The following FMN1 variants were observed in gnomAD, a reference collection of about 807,000 sequenced individuals.
FMN1 encodes formin-1.
Under a neutral mutation model 132.4 loss-of-function variants are expected in FMN1, and 110 were observed. The ratio of observed to expected loss-of-function variants is 0.83; its 90% confidence interval spans 0.71 to 0.97. The LOEUF (loss-of-function observed/expected upper bound fraction) is 0.97. FMN1 is among the 50% of genes least tolerant of loss of function. FMN1 has a pLI of 0.00. For synonymous variants in FMN1, 722 were observed against 651.7 expected (o/e 1.11, Z -1.64); for missense variants, 1,792 against 1,705.3 (o/e 1.05, Z -0.90).
At chr15:33,136,389 C>T (rs780828690) in intron 4 of FMN1, among the ~76,000 whole-genome samples, 1 of 152,166 alleles carries the variant, frequency 6.6e-6, no homozygotes, top group Non-Finnish European at 1.5e-5. Flanking sequence ...AGTCTACCCA[C>T]GTAGACAAGA....
At chr15:33,110,810 A>C (rs1031041752) in intron 4 of FMN1, among the ~76,000 whole-genome samples, 1 of 152,122 alleles carries the variant, frequency 6.6e-6, no homozygotes, top group African/African-American at 2.4e-5. Flanking sequence ...CAAAAATAAG[A>C]ACAACTTGTC....
At chr15:32,937,810 G>A (rs1187504696) in intron 9 of FMN1, among the ~76,000 whole-genome samples, 1 of 152,028 alleles carries the variant, frequency 6.6e-6, no homozygotes, top group African/African-American at 2.4e-5. Flanking sequence ...TAGAAATGAA[G>A]GAAGAGTAAC....
chr15:33,135,743 A>G (rs1298995109), intron 4 of FMN1, among the ~76,000 whole-genome samples: 2 of 152,182 alleles, frequency 1.3e-5, no homozygotes, highest in African/African-American at 2.4e-5. Flanking sequence ...AAAATATACT[A>G]CTTAACACTG....
intron 7 of FMN1, among the ~76,000 whole-genome samples, chr15:32,979,315 G>A (rs149422071): frequency 3.2e-4 from 49 of 152,142 alleles, no homozygotes; most frequent in African/African-American, 8.4e-4. Context: ...CAGCACTTTC[G>A]GAGGCTGAGG....
intron 17 of FMN1, among the ~76,000 whole-genome samples, chr15:32,846,368 C>T (rs2058856608): frequency 1.3e-5 from 2 of 152,050 alleles, no homozygotes; most frequent in Non-Finnish European, 2.9e-5. Context: ...CTATAAGGAA[C>T]TTAAATTTAC....
At chr15:32,942,908 AAAAC>A (rs895062540) in intron 9 of FMN1, among the ~76,000 whole-genome samples, 34 of 152,240 alleles carry the variant, frequency 2.2e-4, no homozygotes, top group Admixed American at 7.9e-4. Context: ...CACCCCACCA[AAAAC>A]AAACAAATAA....
In FMN1 at chr15:33,086,940, A is replaced by G. The variant is rs74008214; in HGVS notation, c.2043+1859T>C. ...TTCTCCTGCTCTTTGATTGCCACCCATGTGAACATCACAGACTTAACCCAC... is the reference window on the plus strand; with the variant it reads ...TTCTCCTGCTCTTTGATTGCCACCCGTGTGAACATCACAGACTTAACCCAC... On this transcript the variant is annotated intron_variant, in intron 5 of 20. Transcript: ENST00000616417. 9.9e-3 allele frequency among the ~76,000 whole-genome samples: 1,511 copies of G among 152,340 alleles called. 31 individuals carry two copies. The highest frequency in any genetic ancestry group is 0.035 in the African/African-American group (1,456 of 41,578).
intron 19 of FMN1, among the ~76,000 whole-genome samples, chr15:32,789,837 C>G (rs1168230497): frequency 6.6e-6 from 1 of 152,162 alleles, no homozygotes; most frequent in Non-Finnish European, 1.5e-5. Flanking sequence ...TGTTTAGATA[C>G]ACAAATACCA....
chr15:32,950,761 C>T (rs1055484919), intron 9 of FMN1, among the ~76,000 whole-genome samples: 1 of 152,020 alleles, frequency 6.6e-6, no homozygotes, highest in African/African-American at 2.4e-5. Flanking sequence ...ACCTGGGTGA[C>T]GAAATAATCT....
At chr15:32,867,340 C>A (rs1447662175) in intron 16 of FMN1, among the ~76,000 whole-genome samples, 6 of 152,214 alleles carry the variant, frequency 3.9e-5, no homozygotes, top group African/African-American at 1.4e-4. Flanking sequence ...GCCTTCCCAG[C>A]CTCACCCTGC....
At chr15:32,944,929 T>C (rs1429154198) in intron 9 of FMN1, among the ~76,000 whole-genome samples, 1 of 152,168 alleles carries the variant, frequency 6.6e-6, no homozygotes, top group Non-Finnish European at 1.5e-5. Flanking sequence ...GTGCATTCAC[T>C]GCCTTCAGAC....
At chr15:32,982,573 G>A (rs1339708757) in intron 7 of FMN1, among the ~76,000 whole-genome samples, 3 of 152,148 alleles carry the variant, frequency 2.0e-5, no homozygotes, top group Non-Finnish European at 4.4e-5. Flanking sequence ...TATTCTGGAT[G>A]TGTCTGTGAA....
At chr15:33,125,879 G>A (rs1315704821) in intron 4 of FMN1, among the ~76,000 whole-genome samples, 1 of 152,142 alleles carries the variant, frequency 6.6e-6, no homozygotes, top group Admixed American at 6.6e-5. Flanking sequence ...TCTCAAGCAT[G>A]ACTGATTGGC....
chr15:32,829,884 C>G (rs2058460616), intron 17 of FMN1, among the ~76,000 whole-genome samples: 1 of 152,108 alleles, frequency 6.6e-6, no homozygotes, highest in South Asian at 2.1e-4. Flanking sequence ...TAGACAAATA[C>G]CCACACAGAA....
intron 6 of FMN1, among the ~76,000 whole-genome samples, chr15:33,028,889 C>T (rs904040641): frequency 1.3e-5 from 2 of 152,142 alleles, no homozygotes; most frequent in Non-Finnish European, 1.5e-5. Flanking sequence ...ATTGATCCGA[C>T]GCTAGTCCAA....
At chr15:32,863,394 A>G (rs1351710684) in intron 16 of FMN1, among the ~76,000 whole-genome samples, 2 of 152,194 alleles carry the variant, frequency 1.3e-5, no homozygotes, top group Non-Finnish European at 2.9e-5. Flanking sequence ...AGATTGTGCC[A>G]CTGCACTCCA....
At chr15:33,084,416 G>A (rs539402074) in intron 5 of FMN1, among the ~76,000 whole-genome samples, 1 of 152,268 alleles carries the variant, frequency 6.6e-6, no homozygotes, top group African/African-American at 2.4e-5. Context: ...GGTAACCTGG[G>A]AACCCACTAC....
intron 9 of FMN1, among the ~76,000 whole-genome samples, chr15:32,935,584 T>C (rs1596307103): frequency 1.3e-5 from 2 of 152,156 alleles, no homozygotes; most frequent in East Asian, 1.9e-4. Flanking sequence ...ACAATGTGTC[T>C]ATTGATCTGC....
intron 5 of FMN1, among the ~76,000 whole-genome samples, chr15:33,082,104 T>C (rs1337547290): frequency 1.5e-5 from 2 of 134,910 alleles, no homozygotes; most frequent in Non-Finnish European, 3.3e-5. Flanking sequence ...TGTGTGTGTG[T>C]GTGTGTGTGT....
Sources: gnomAD v4.1 joint callset for allele counts (sites outside exome capture counted in the v4.1 genomes callset) on GRCh38, gnomAD v4.1.1 for gene constraint, MANE v1.5 for transcripts, NCBI Gene and HGNC (gene_info 2026-07-23, HGNC 2026-07-21) for gene names.